AUTS2: variants seen among roughly 807,000 people sequenced by gnomAD.
The protein encoded by AUTS2 is activator of transcription and developmental regulator AUTS2, also known as autism susceptibility gene 2 protein.
A neutral mutation model predicts 112.4 loss-of-function variants in AUTS2; 17 were observed. The ratio of observed to expected loss-of-function variants is 0.15; its 90% CI spans 0.10 to 0.23. AUTS2 has a LOEUF of 0.23. AUTS2 is among the 10% of genes least tolerant of loss of function. AUTS2 has a pLI of 1.00. For synonymous variants in AUTS2, 751 were observed against 702.7 expected, an observed-to-expected ratio of 1.07 and a Z score of -1.09; for missense variants, 1,510 against 1,701.6, an observed-to-expected ratio of 0.89 and a Z score of 1.98.
intron 2 of AUTS2, among the ~76,000 whole-genome samples, chr7:70,045,244 C>T (rs770390821): frequency 6.8e-4 from 104 of 152,098 alleles, no homozygotes; most frequent in Non-Finnish European, 1.1e-3. Flanking sequence ...AACTACAAAA[C>T]TGGATATTTG....
At chr7:69,751,699 A>G (rs1051859608) in intron 1 of AUTS2, among the ~76,000 whole-genome samples, 2 of 152,202 alleles carry the variant, frequency 1.3e-5, no homozygotes, top group African/African-American at 4.8e-5. Flanking sequence ...TTGCATCTGC[A>G]AAGGTATGGC....
At chr7:70,337,398 T>G (rs974777469) in intron 4 of AUTS2, among the ~76,000 whole-genome samples, 2 of 152,248 alleles carry the variant, frequency 1.3e-5, no homozygotes, top group East Asian at 3.8e-4. Context: ...GAATTTCTAA[T>G]AGGCTATTGA....
intron 1 of AUTS2, among the ~76,000 whole-genome samples, chr7:69,840,107 T>C (rs1791908630): frequency 6.6e-6 from 1 of 152,178 alleles, no homozygotes; most frequent in Non-Finnish European, 1.5e-5. Context: ...TCCCCCTCTA[T>C]CTTAAATATT....
chr7:70,269,354 A>G (rs1295657395), intron 4 of AUTS2, among the ~76,000 whole-genome samples: 5 of 152,056 alleles, frequency 3.3e-5, no homozygotes, highest in Non-Finnish European at 5.9e-5. Flanking sequence ...ATCTTAGTAG[A>G]AGCCTTGAAC....
rs538844456 is a variant in AUTS2, at chr7:70,734,093, C to T, written c.743-28777C>T. 4.2e-4 allele frequency among the ~76,000 whole-genome samples: 64 copies of T among 152,120 alleles called. 1 individual carries two copies. Among genetic ancestry groups the T allele is most frequent in the African/African-American group, 1.4e-3 (58 of 41,520 alleles). ...CCTTGATTCTCATACTCAAGCCTCCCGACAGCCCGCTGCATGCGCCAGGCT... is the reference window on the plus strand; with the variant it reads ...CCTTGATTCTCATACTCAAGCCTCCTGACAGCCCGCTGCATGCGCCAGGCT... On this transcript the variant is annotated intron_variant, in intron 6 of 18. Coordinates refer to ENST00000342771, the MANE Select transcript of AUTS2 (RefSeq NM_015570.4).
At chr7:69,954,105 T>G (rs1340471087) in intron 2 of AUTS2, among the ~76,000 whole-genome samples, 1 of 152,182 alleles carries the variant, frequency 6.6e-6, no homozygotes, top group Non-Finnish European at 1.5e-5. Flanking sequence ...ATAGCTTGAT[T>G]ATGAGATATA....
chr7:69,962,540 T>G (rs867188174), intron 2 of AUTS2, among the ~76,000 whole-genome samples: 12 of 152,338 alleles, frequency 7.9e-5, no homozygotes, highest in South Asian at 4.1e-4. Context: ...TCTATCTTTG[T>G]ACTTTGCATT....
intron 2 of AUTS2, among the ~76,000 whole-genome samples, chr7:69,935,436 G>T (rs1796373407): frequency 6.6e-6 from 1 of 152,054 alleles, no homozygotes; most frequent in South Asian, 2.1e-4. Flanking sequence ...GCATTATTCT[G>T]GTTTCAGTCT....
At chr7:69,690,992 A>C (rs915567819) in intron 1 of AUTS2, among the ~76,000 whole-genome samples, 1 of 152,190 alleles carries the variant, frequency 6.6e-6, no homozygotes, top group African/African-American at 2.4e-5. Flanking sequence ...CTGTCAGCAG[A>C]GAGGAGACCC....
chr7:70,087,198 A>T (rs1803651807), intron 2 of AUTS2, among the ~76,000 whole-genome samples: 1 of 151,978 alleles, frequency 6.6e-6, no homozygotes, highest in Admixed American at 6.6e-5. Context: ...TTTTGTATCA[A>T]ATGCTATTTA....
At chr7:70,230,832 T>G (rs1812007465) in intron 4 of AUTS2, among the ~76,000 whole-genome samples, 1 of 152,212 alleles carries the variant, frequency 6.6e-6, no homozygotes, top group Admixed American at 6.5e-5. Flanking sequence ...TTCCTGATTG[T>G]TTGCATTAAG....
intron 1 of AUTS2, among the ~76,000 whole-genome samples, chr7:69,850,074 C>T (rs1186240269): frequency 1.3e-5 from 2 of 151,962 alleles, no homozygotes; most frequent in Non-Finnish European, 2.9e-5. Flanking sequence ...GCGGGTGGAT[C>T]ACCTGAGGTC....
chr7:70,045,320 T>C (rs1646609027), intron 2 of AUTS2, among the ~76,000 whole-genome samples: 1 of 152,178 alleles, frequency 6.6e-6, no homozygotes, highest in African/African-American at 2.4e-5. Flanking sequence ...ATTTGAAATA[T>C]GACCAGTTCT....
At chr7:70,054,224 G>A (rs1199546990) in intron 2 of AUTS2, among the ~76,000 whole-genome samples, 1 of 152,140 alleles carries the variant, frequency 6.6e-6, no homozygotes, top group East Asian at 1.9e-4. Flanking sequence ...ATACTGGGTA[G>A]CACAGGCATG....
At chr7:69,632,585 T>C (rs1365181187) in intron 1 of AUTS2, among the ~76,000 whole-genome samples, 32 of 115,710 alleles carry the variant, frequency 2.8e-4, no homozygotes, top group Admixed American at 2.4e-3. Flanking sequence ...CTCTCCCCTC[T>C]CCCCTCTGCC....
At chr7:70,339,588 T>C (rs10246631) in intron 4 of AUTS2, among the ~76,000 whole-genome samples, 51,817 of 152,082 alleles carry the variant, frequency 0.34, 10,161 homozygotes, top group African/African-American at 0.54. Flanking sequence ...TGTGAAACCT[T>C]GCTTCTTGAC....
intron 5 of AUTS2, among the ~76,000 whole-genome samples, chr7:70,634,948 C>T (rs1805457474): frequency 6.6e-6 from 1 of 152,138 alleles, no homozygotes; most frequent in South Asian, 2.1e-4. Flanking sequence ...TTGCTGGTCT[C>T]CTGCTGAGTA....
chr7:70,765,630 A>T (rs906424897), intron 8 of AUTS2, among the ~76,000 whole-genome samples: 2 of 152,206 alleles, frequency 1.3e-5, no homozygotes, highest in Non-Finnish European at 2.9e-5. Flanking sequence ...CTTGAAGAGG[A>T]CATGCGAGCC....
chr7:69,699,666 A>G (rs1187583689), intron 1 of AUTS2, among the ~76,000 whole-genome samples: 1 of 124,730 alleles, frequency 8.0e-6, no homozygotes, highest in Admixed American at 9.5e-5. Context: ...TTTTTTCCCG[A>G]GACAGAATCT....
Sources: allele counts gnomAD v4.1 joint callset (sites outside exome capture counted in the v4.1 genomes callset), GRCh38; gene constraint gnomAD v4.1.1; transcripts MANE v1.5; gene names NCBI Gene and HGNC (gene_info 2026-07-23, HGNC 2026-07-21).